The following MRTFA variants were observed in gnomAD, a reference collection of about 807,000 sequenced individuals.
MRTFA encodes myocardin-related transcription factor A.
In MRTFA, 20 loss-of-function variants were observed where a neutral mutation model predicts 83.5. The ratio of observed to expected loss-of-function variants is 0.24; its 90% CI spans 0.17 to 0.35. The LOEUF (loss-of-function observed/expected upper bound fraction) is 0.35, where lower values mean the gene tolerates loss of function less well. Among genes scored for constraint, MRTFA ranks in the 10% least tolerant of loss-of-function variants. MRTFA has a pLI of 1.00. For synonymous variants in MRTFA, 659 were observed against 541.2 expected (o/e 1.22, Z -3.02); for missense variants, 1,200 against 1,224.7 (o/e 0.98, Z 0.30).
In MRTFA at chr22:40,411,178, GGCTGCTTCTTGACA is replaced by G. The variant is rs1400621810; in HGVS notation, c.*198_*211del. The G allele has an allele frequency of 6.5e-6, 3 of 460,902 alleles. No individual in the cohort carries two copies. The highest frequency in any genetic ancestry group is 3.9e-5 in the African/African-American group (2 of 50,976). The allele number at this position is 460,902 out of a possible 1,614,324, so 28.6% of individuals were successfully genotyped here. A position where few individuals can be genotyped will look rare whatever the true frequency, so the allele number is the denominator to read the frequency against. On this transcript the variant is annotated 3_prime_UTR_variant, in exon 15 of 15. Coordinates refer to ENST00000355630, the MANE Select transcript of MRTFA (RefSeq NM_020831.6). ...TCCAAAACCCCAGCGTGAGAGCCAGGGCTGCTTCTTGACAGCTGCTCTCCTCTGCCCTGCGTGGC... is the reference window on the plus strand; with the variant it reads ...TCCAAAACCCCAGCGTGAGAGCCAGGGCTGCTCTCCTCTGCCCTGCGTGGC...
intron 1 of MRTFA, among the ~76,000 whole-genome samples, chr22:40,620,039 C>A (rs920951190): frequency 1.3e-5 from 2 of 151,806 alleles, no homozygotes; most frequent in African/African-American, 4.8e-5. Context: ...CTCAATGCAG[C>A]CTCCGTCTCC....
chr22:40,444,200 C>A (rs1885337525), intron 4 of MRTFA, among the ~76,000 whole-genome samples: 1 of 151,940 alleles, frequency 6.6e-6, no homozygotes, highest in South Asian at 2.1e-4. Flanking sequence ...ATAAAGGAGA[C>A]AAAGGAAAGA....
intron 7 of MRTFA, among the ~76,000 whole-genome samples, chr22:40,427,227 G>A (rs1041306169): frequency 2.0e-5 from 3 of 152,106 alleles, no homozygotes; most frequent in East Asian, 1.9e-4. Flanking sequence ...AGGAATACAC[G>A]GAGGAAACCA....
chr22:40,545,548 T>C (rs2055349521), intron 3 of MRTFA, among the ~76,000 whole-genome samples: 1 of 151,412 alleles, frequency 6.6e-6, no homozygotes, highest in African/African-American at 2.4e-5. Context: ...TTCTCCCGCC[T>C]CAGCCTCCCA....
At chr22:40,525,295 T>C (rs1009275183) in intron 3 of MRTFA, among the ~76,000 whole-genome samples, 9 of 152,138 alleles carry the variant, frequency 5.9e-5, no homozygotes, top group African/African-American at 2.2e-4. Context: ...AGATAAGTGG[T>C]AAACATTATT....
At chr22:40,588,279 G>A (rs867145711) in intron 2 of MRTFA, among the ~76,000 whole-genome samples, 3 of 152,038 alleles carry the variant, frequency 2.0e-5, no homozygotes, top group Non-Finnish European at 4.4e-5. Flanking sequence ...CACCTGCCTC[G>A]GCCTTCCAAA....
At chr22:40,616,113 T>C (rs1414679420) in intron 1 of MRTFA, among the ~76,000 whole-genome samples, 1 of 152,254 alleles carries the variant, frequency 6.6e-6, no homozygotes, top group Admixed American at 6.5e-5. Flanking sequence ...ATTCACAATT[T>C]AAAAATTCCA....
At chr22:40,540,643 G>A (rs2055272898) in intron 3 of MRTFA, among the ~76,000 whole-genome samples, 1 of 152,050 alleles carries the variant, frequency 6.6e-6, no homozygotes, top group Non-Finnish European at 1.5e-5. Context: ...AGCCAGGCAT[G>A]GTGGCATATG....
At chr22:40,455,840 G>GTATGTATA in intron 4 of MRTFA, among the ~76,000 whole-genome samples, 1 of 148,256 alleles carries the variant, frequency 6.7e-6, no homozygotes, top group Non-Finnish European at 1.5e-5. Flanking sequence ...ATGTATGTAT[G>GTATGTATA]TATGTATTTA....
intron 2 of MRTFA, among the ~76,000 whole-genome samples, chr22:40,573,573 A>C (rs1168099244): frequency 1.3e-5 from 2 of 152,108 alleles, no homozygotes; most frequent in Non-Finnish European, 2.9e-5. Context: ...TACTTCTGAA[A>C]GGTGAATTTT....
intron 11 of MRTFA, among the ~76,000 whole-genome samples, chr22:40,419,647 T>C (rs1047479239): frequency 8.5e-5 from 13 of 152,110 alleles, no homozygotes; most frequent in Non-Finnish European, 1.6e-4. Context: ...CCCACAGCTG[T>C]CCCCAGCCCC....
chr22:40,417,442 G>A lies in MRTFA; in HGVS notation c.2416C>T (p.Leu806=), dbSNP rs750735677. 4 of 1,604,768 alleles carry A rather than the reference G, an allele frequency of 2.5e-6. No homozygotes were observed. The highest frequency in any genetic ancestry group is 1.1e-5 in the South Asian group (1 of 89,620). ...AAGAGGGGCTGCAGTGGGTGCTCCA[G>A]GTCCATCTGGGCAGAGGGGGCAGGC... Residue 806 remains leucine, a synonymous_variant, in exon 13 of 15, where the codon CTG becomes TTG. Transcript: ENST00000355630.
intron 1 of MRTFA, among the ~76,000 whole-genome samples, chr22:40,623,483 C>T (rs1016095946): frequency 6.0e-5 from 9 of 151,180 alleles, no homozygotes; most frequent in Non-Finnish European, 1.2e-4. Flanking sequence ...CCCCCAACCC[C>T]GATACTGTCC....
At chr22:40,413,394 C>T (rs1259765646) in intron 14 of MRTFA, among the ~76,000 whole-genome samples, 1 of 150,022 alleles carries the variant, frequency 6.7e-6, no homozygotes, top group Non-Finnish European at 1.5e-5. Context: ...GGCTGCAGTG[C>T]AGTGGGGCAA....
rs1465518369 is a variant in MRTFA, at chr22:40,420,536, C to G, written c.1222G>C (p.Val408Leu). Residue 408 changes from valine to leucine, a missense_variant, in exon 11 of 15, where the codon GTA (valine) becomes CTA (leucine). By Grantham distance (32) the Val-to-Leu change is conservative. Coordinates refer to ENST00000355630, the MANE Select transcript of MRTFA (RefSeq NM_020831.6). Reference sequence around the variant, plus strand: ...CTATTGGTAGTGGAGAGGCTGCGTACTGGGGGGGTCCCGCTGCTTCCCAGG... The same window carrying G: ...CTATTGGTAGTGGAGAGGCTGCGTAGTGGGGGGGTCCCGCTGCTTCCCAGG... 1.2e-6 allele frequency: 2 copies of G among 1,613,682 alleles called. No homozygotes were observed. Among genetic ancestry groups the G allele is most frequent in the South Asian group, 2.2e-5 (2 of 91,084 alleles).
intron 4 of MRTFA, among the ~76,000 whole-genome samples, chr22:40,448,471 T>C: frequency 6.6e-6 from 1 of 152,104 alleles, no homozygotes; most frequent in Non-Finnish European, 1.5e-5. Flanking sequence ...TAGACCTGTC[T>C]CTAAATAAAA....
chr22:40,423,400 G>A (rs998811633), intron 9 of MRTFA, 136 bp downstream of exon 9: 9 of 780,238 alleles, frequency 1.2e-5, no homozygotes, highest in African/African-American at 1.8e-5. Flanking sequence ...CAGACAGAAC[G>A]GGAAGAAACT....
rs113151168 is a variant in MRTFA, at chr22:40,463,017, A to T, written c.307+204T>A. 3.0e-3 allele frequency among the ~76,000 whole-genome samples: 451 copies of T among 152,334 alleles called. 4 individuals carry two copies. Among genetic ancestry groups the T allele is most frequent in the African/African-American group, 0.01 (430 of 41,582 alleles). On this transcript the variant is annotated intron_variant, in intron 4 of 14. Coordinates refer to ENST00000355630, the MANE Select transcript of MRTFA (RefSeq NM_020831.6). ...AAACCAGGTTTGACCCTTTAAACAC[A>T]GTTTGTTTCACTGAACTTGATCAAT...
At chr22:40,634,313 G>A (rs1041587756) in intron 1 of MRTFA, among the ~76,000 whole-genome samples, 5 of 152,042 alleles carry the variant, frequency 3.3e-5, no homozygotes, top group South Asian at 2.1e-4. Context: ...GTCTCAACTC[G>A]AACTCCTGGC....
Sources: allele counts gnomAD v4.1 joint callset (sites outside exome capture counted in the v4.1 genomes callset), GRCh38; gene constraint gnomAD v4.1.1; transcripts MANE v1.5; gene names NCBI Gene and HGNC (gene_info 2026-07-23, HGNC 2026-07-21).